Variants in SCAF4 observed in about 807,000 individuals in gnomAD.
SCAF4 encodes SR-related CTD associated factor 4.
In SCAF4, 25 loss-of-function variants were observed where a neutral mutation model predicts 129.8. The ratio of observed to expected loss-of-function variants is 0.19; its 90% CI spans 0.14 to 0.27. SCAF4 has a LOEUF of 0.27. Among genes scored for constraint, SCAF4 ranks in the 10% least tolerant of loss-of-function variants. The probability of loss-of-function intolerance (pLI) is 1.00; values close to 1 mark genes in which losing one functional copy is unlikely to be tolerated. For synonymous variants in SCAF4, 551 were observed against 497.7 expected (o/e 1.11, Z -1.43); for missense variants, 1,246 against 1,457.1 (o/e 0.86, Z 2.36).
chr21:31,671,975 G>A lies in SCAF4; in HGVS notation c.2868C>T (p.Pro956=), dbSNP rs1377787824. The A allele has an allele frequency of 1.9e-6, 3 of 1,610,140 alleles. No individual in the cohort carries two copies. The highest frequency in any genetic ancestry group is 2.5e-6 in the Non-Finnish European group (3 of 1,176,920). Residue 956 remains proline, a synonymous_variant, in exon 20 of 20, where the codon CCC becomes CCT. Coordinates refer to ENST00000286835, the MANE Select transcript of SCAF4 (RefSeq NM_020706.2). ...QPQQQPQPQA[P]QQPQQQQQQQ... is the part of the protein sequence containing the mutation. Reference sequence around the variant, plus strand: ...GCTGCTGCTGCTGCTGTGGTTGCTGGGGCGCCTGCGGCTGTGGCTGCTGCT... The same window carrying A: ...GCTGCTGCTGCTGCTGTGGTTGCTGAGGCGCCTGCGGCTGTGGCTGCTGCT...
At chr21:31,676,088 C>A (rs2123466596) in intron 19 of SCAF4, among the ~76,000 whole-genome samples, 1 of 152,190 alleles carries the variant, frequency 6.6e-6, no homozygotes, top group Admixed American at 6.5e-5. Context: ...GTGGGAGTGA[C>A]CAACTGCATC....
At chr21:31,705,321 T>C in intron 3 of SCAF4, 102 bp downstream of exon 3, 1 of 581,124 alleles carries the variant, frequency 1.7e-6, no homozygotes, top group Non-Finnish European at 3.0e-6. Flanking sequence ...AGTGACTAAA[T>C]TTTTATGAAG....
intron 1 of SCAF4, among the ~76,000 whole-genome samples, chr21:31,707,155 G>C (rs540453124): frequency 7.4e-4 from 112 of 152,090 alleles, no homozygotes; most frequent in African/African-American, 2.4e-3. Context: ...TCCATAGATG[G>C]GGGGGTTACT....
intron 7 of SCAF4, among the ~76,000 whole-genome samples, chr21:31,698,843 C>A (rs534192989): frequency 1.3e-5 from 2 of 152,294 alleles, no homozygotes; most frequent in East Asian, 3.9e-4. Flanking sequence ...ACCTGCCCTG[C>A]AAATTTCAAA....
At chr21:31,725,704 G>A (rs1009318993) in intron 1 of SCAF4, among the ~76,000 whole-genome samples, 45 of 152,038 alleles carry the variant, frequency 3.0e-4, no homozygotes, top group African/African-American at 1.1e-3. Flanking sequence ...TTGCCTTTTT[G>A]TTCGTTTTCT....
chr21:31,685,843 T>C (rs994780298), intron 16 of SCAF4, 110 bp from the exon 17 acceptor site: 4 of 1,052,768 alleles, frequency 3.8e-6, no homozygotes, highest in Non-Finnish European at 5.4e-6. Flanking sequence ...TCTTAATTTG[T>C]GCTTATTAGA....
intron 1 of SCAF4, among the ~76,000 whole-genome samples, chr21:31,726,787 A>G (rs1400315526): frequency 2.0e-5 from 3 of 152,234 alleles, no homozygotes; most frequent in African/African-American, 7.2e-5. Context: ...GCAAAATATT[A>G]ACTAATCTTA....
chr21:31,699,103 T>G (rs570639690), intron 7 of SCAF4, among the ~76,000 whole-genome samples: 8 of 152,196 alleles, frequency 5.3e-5, no homozygotes, highest in African/African-American at 1.4e-4. Context: ...CAAGAATTAT[T>G]ATGATGCAGA....
chr21:31,688,267 T>C, intron 16 of SCAF4, 40 bp downstream of exon 16: 1 of 1,593,242 alleles, frequency 6.3e-7, no homozygotes. Flanking sequence ...AAGGGACCTT[T>C]CAGGCACTTA....
Position 31,671,594 on chromosome 21 carries a change from C to T in SCAF4, c.3249G>A (p.Val1083=). ...EEARGKEKPE[V]TDRAGGNKTV... is the part of the protein sequence containing the mutation. Reference sequence around the variant, plus strand: ...TTTTGTTACCACCTGCCCTGTCTGTCACCTCAGGCTTTTCCTTTCCTCGGG... The same window carrying T: ...TTTTGTTACCACCTGCCCTGTCTGTTACCTCAGGCTTTTCCTTTCCTCGGG... The change falls in exon 20 of 20, where the codon GTG becomes GTA. Residue 1083 remains valine, a synonymous_variant. Coordinates refer to ENST00000286835, the MANE Select transcript of SCAF4 (RefSeq NM_020706.2). 1 of 1,614,152 alleles carries T rather than the reference C, an allele frequency of 6.2e-7. No individual in the cohort carries two copies. The highest frequency in any genetic ancestry group is 8.5e-7 in the Non-Finnish European group (1 of 1,180,032).
chr21:31,684,677 C>T, intron 19 of SCAF4: 1 of 204,246 alleles, frequency 4.9e-6, no homozygotes, highest in East Asian at 1.4e-4. Context: ...AGAAGTATCT[C>T]CTAAAAGCTG....
chr21:31,707,992 C>A (rs2123615812), intron 1 of SCAF4, among the ~76,000 whole-genome samples: 1 of 152,310 alleles, frequency 6.6e-6, no homozygotes, highest in East Asian at 1.9e-4. Context: ...AAAGGATTCT[C>A]TAAATACGGC....
chr21:31,704,162 C>T (rs2050599224), intron 3 of SCAF4, among the ~76,000 whole-genome samples: 1 of 152,074 alleles, frequency 6.6e-6, no homozygotes, highest in Admixed American at 6.6e-5. Flanking sequence ...TTTGATTTCT[C>T]TACTTCCCTA....
At position 31,700,987 on chromosome 21, in the gene SCAF4, A is replaced by C; in HGVS notation, c.777+8T>G. 3 of 1,613,828 alleles carry C rather than the reference A, an allele frequency of 1.9e-6. No individual in the cohort carries two copies. The highest frequency in any genetic ancestry group is 2.5e-6 in the Non-Finnish European group (3 of 1,179,752). On this transcript the variant is annotated splice_region_variant and intron_variant, in intron 7 of 19. Coordinates refer to ENST00000286835, the MANE Select transcript of SCAF4 (RefSeq NM_020706.2). ...AATGGTGGGGTGGGTTATGTGAGAGAAATATACCTTGTCAAATGCAGTTTT... is the reference window on the plus strand; with the variant it reads ...AATGGTGGGGTGGGTTATGTGAGAGCAATATACCTTGTCAAATGCAGTTTT...
At chr21:31,710,977 T>C (rs1204244273) in intron 1 of SCAF4, among the ~76,000 whole-genome samples, 1 of 152,202 alleles carries the variant, frequency 6.6e-6, no homozygotes, top group African/African-American at 2.4e-5. Context: ...CTTACTTATA[T>C]CTTATTTGTT....
chr21:31,677,556 C>T (rs1039307498), intron 19 of SCAF4, among the ~76,000 whole-genome samples: 1 of 152,170 alleles, frequency 6.6e-6, no homozygotes, highest in African/African-American at 2.4e-5. Context: ...TTCTCACAGT[C>T]ACCAGGAGCC....
chr21:31,711,119 T>C (rs993344586), intron 1 of SCAF4, among the ~76,000 whole-genome samples: 2 of 152,224 alleles, frequency 1.3e-5, no homozygotes, highest in Admixed American at 6.5e-5. Context: ...AAGTTTCTTT[T>C]GGGATGACTT....
chr21:31,693,305 T>G lies in SCAF4; in HGVS notation c.1502A>C (p.Glu501Ala). The change falls in exon 12 of 20, where the codon GAA becomes GCA. Residue 501 changes from glutamate to alanine, a missense_variant. By Grantham distance (107) the Glu-to-Ala change is moderately radical. Coordinates refer to ENST00000286835, the MANE Select transcript of SCAF4 (RefSeq NM_020706.2). ...AAAGGTTGAGTTACCACTTGCAGTTTCCGGTTTCACTTGAGGGAGGCCTTT... is the reference window on the plus strand; with the variant it reads ...AAAGGTTGAGTTACCACTTGCAGTTGCCGGTTTCACTTGAGGGAGGCCTTT... The part of the protein sequence containing the change: ...RQKGLPQVKP[E>A]TASVCSTTLW... 1 of 1,479,412 alleles carries G rather than the reference T, an allele frequency of 6.8e-7. No homozygotes were observed. 91.6% of individuals were successfully genotyped at this position (1,479,412 alleles called of 1,614,324 possible).
At chr21:31,673,034 A>G (rs1249631778) in intron 19 of SCAF4, among the ~76,000 whole-genome samples, 3 of 152,214 alleles carry the variant, frequency 2.0e-5, no homozygotes, top group Non-Finnish European at 4.4e-5. Flanking sequence ...GACCTGAATA[A>G]TGCTCAATGT....
Sources: allele counts gnomAD v4.1 joint callset (sites outside exome capture counted in the v4.1 genomes callset), GRCh38; gene constraint gnomAD v4.1.1; transcripts MANE v1.5; gene names NCBI Gene and HGNC (gene_info 2026-07-23, HGNC 2026-07-21).